Variants in BRAF observed in about 807,000 individuals in gnomAD.
BRAF encodes the protein serine/threonine-protein kinase B-raf.
A neutral mutation model predicts 104.6 loss-of-function variants in BRAF; 16 were observed. That is an observed-to-expected ratio of 0.15 (90% CI 0.10 to 0.23). BRAF has a LOEUF of 0.23. Ranked by LOEUF, BRAF falls within the 10% of genes least tolerant of loss-of-function variation. BRAF has a pLI of 1.00. For missense variants in BRAF, 541 were observed against 937.3 expected (o/e 0.58, Z 5.52); for synonymous variants, 310 against 341.6 (o/e 0.91, Z 1.02).
chr7:140,791,458 C>T (rs62487920), intron 8 of BRAF, among the ~76,000 whole-genome samples: 8,592 of 152,098 alleles, frequency 0.056, 287 homozygotes, highest in South Asian at 0.11. Context: ...AGAGCCAGCC[C>T]ATAAAGGAGA....
At chr7:140,789,972 C>A (rs1308511029) in intron 8 of BRAF, among the ~76,000 whole-genome samples, 1 of 152,178 alleles carries the variant, frequency 6.6e-6, no homozygotes, top group Non-Finnish European at 1.5e-5. Context: ...TCAGGCGATC[C>A]GCCTGCCTTG....
In BRAF at chr7:140,820,787, A is replaced by G. The variant is rs142184869; in HGVS notation, c.505-11792T>C. Reference sequence around the variant, plus strand: ...AGGCCCTACCTCTACAAAAAAATTTAAAAATTAGGCATGGCACACGCCTGT... The same window carrying G: ...AGGCCCTACCTCTACAAAAAAATTTGAAAATTAGGCATGGCACACGCCTGT... On this transcript the variant is annotated intron_variant, in intron 3 of 19. Coordinates refer to ENST00000644969, the MANE Select transcript of BRAF (RefSeq NM_001374258.1). 7.7e-3 allele frequency among the ~76,000 whole-genome samples: 1,166 copies of G among 152,210 alleles called. 19 individuals are homozygous for G. The highest frequency in any genetic ancestry group is 0.027 in the African/African-American group (1,102 of 41,542).
chr7:140,835,300 C>T, intron 2 of BRAF: 1 of 180,342 alleles, frequency 5.5e-6, no homozygotes, highest in Non-Finnish European at 1.2e-5. Flanking sequence ...CGTTCTCTCT[C>T]TCTCTCAACA....
At chr7:140,796,244 A>T (rs999841065) in intron 7 of BRAF, among the ~76,000 whole-genome samples, 1 of 151,902 alleles carries the variant, frequency 6.6e-6, no homozygotes, top group South Asian at 2.1e-4. Flanking sequence ...CCAGCTACTC[A>T]GGGGGCTGAG....
At chr7:140,876,748 G>T (rs369294333) in intron 1 of BRAF, among the ~76,000 whole-genome samples, 3 of 152,236 alleles carry the variant, frequency 2.0e-5, no homozygotes, top group East Asian at 3.9e-4. Context: ...CTAGTAGACA[G>T]AAAATCAGTA....
intron 2 of BRAF, among the ~76,000 whole-genome samples, chr7:140,848,537 C>T (rs982179659): frequency 2.0e-5 from 3 of 152,182 alleles, no homozygotes; most frequent in African/African-American, 7.2e-5. Flanking sequence ...GGCAGTGAAT[C>T]ACTGCTATAG....
chr7:140,740,066 C>T, intron 17 of BRAF, 120 bp from the exon 17 acceptor site: 1 of 1,114,564 alleles, frequency 9.0e-7, no homozygotes, highest in Non-Finnish European at 1.3e-6. Context: ...TGTATTACAC[C>T]TCAATAAAAA....
At chr7:140,810,065 G>A (rs1468414708) in intron 3 of BRAF, among the ~76,000 whole-genome samples, 1 of 152,032 alleles carries the variant, frequency 6.6e-6, no homozygotes, top group Non-Finnish European at 1.5e-5. Context: ...GTAACAATAA[G>A]TTCCATTCAT....
At position 140,797,272 on chromosome 7, in the gene BRAF, C is replaced by G. The variant is rs760055517; in HGVS notation, c.981-2805G>C. Among the ~76,000 whole-genome samples, 128 of 152,198 alleles carry G rather than the reference C, an allele frequency of 8.4e-4. 4 individuals are homozygous for G. The highest frequency in any genetic ancestry group is 1.9e-4 in the Non-Finnish European group (13 of 68,030). ...GAAAACTTTGGTCTGGTGATACGTACATTTTAAATGTTGACCTCTCACAAA... is the reference window on the plus strand; with the variant it reads ...GAAAACTTTGGTCTGGTGATACGTAGATTTTAAATGTTGACCTCTCACAAA... On this transcript the variant is annotated intron_variant, in intron 7 of 19. Transcript: ENST00000644969.
rs189649654 is a variant in BRAF at position 140,783,428 on chromosome 7, A to G, written c.1298-271T>C. ...ATTTACTGGTGCAAAATCTAGGAGA[A>G]AAACAATCTCTCTAAAACAAGACAG... On this transcript the variant is annotated intron_variant, in intron 10 of 19. Coordinates refer to ENST00000644969, the MANE Select transcript of BRAF (RefSeq NM_001374258.1). The G allele has an allele frequency of 2.7e-3, 922 of 336,866 alleles. 5 individuals are homozygous for G. The highest frequency in any genetic ancestry group is 3.5e-3 in the Non-Finnish European group (648 of 185,190). The allele number at this position is 336,866 out of a possible 1,614,324, so 20.9% of individuals were successfully genotyped here.
At position 140,764,787 on chromosome 7, in the gene BRAF, T is replaced by G. The variant is rs551588298; in HGVS notation, c.1815-10554A>C. Reference sequence around the variant, plus strand: ...AGGAGAACTACAAACCACTGCTCAATGAAATAAAAGAGGATACAAACAAAT... The same window carrying G: ...AGGAGAACTACAAACCACTGCTCAAGGAAATAAAAGAGGATACAAACAAAT... On this transcript the variant is annotated intron_variant, in intron 14 of 19. Transcript: ENST00000644969. Among the ~76,000 whole-genome samples the G allele has an allele frequency of 4.1e-3, 615 of 150,462 alleles. 4 individuals carry two copies. Among genetic ancestry groups the G allele is most frequent in the African/African-American group, 0.014 (580 of 40,396 alleles).
At chr7:140,920,151 T>C (rs1043496168) in intron 1 of BRAF, among the ~76,000 whole-genome samples, 5 of 152,098 alleles carry the variant, frequency 3.3e-5, no homozygotes, top group Non-Finnish European at 7.4e-5. Flanking sequence ...AAGGACAATA[T>C]GAGGCAGAAA....
At chr7:140,729,413 G>T (rs957560484) in intron 19 of BRAF, among the ~76,000 whole-genome samples, 2 of 152,172 alleles carry the variant, frequency 1.3e-5, no homozygotes, top group African/African-American at 4.8e-5. Flanking sequence ...GGGAGGCGGA[G>T]GAGGGTGGAT....
chr7:140,821,322 CAG>C (rs1805460008), intron 3 of BRAF, among the ~76,000 whole-genome samples: 2 of 119,154 alleles, frequency 1.7e-5, no homozygotes, highest in African/African-American at 3.2e-5. Flanking sequence ...TTTTTTGAGA[CAG>C]AGTCTCGCTC....
intron 2 of BRAF, among the ~76,000 whole-genome samples, chr7:140,843,855 C>CAA (rs1808258589): frequency 6.6e-6 from 1 of 151,484 alleles, no homozygotes. Flanking sequence ...AATACAAAAA[C>CAA]AAAATTAGAT....
chr7:140,777,868 T>A, intron 13 of BRAF, 123 bp downstream of exon 12: 1 of 978,560 alleles, frequency 1.0e-6, no homozygotes. Context: ...TCAGACATAC[T>A]CTGTTTCTAC....
At chr7:140,911,427 A>C (rs1424524728) in intron 1 of BRAF, among the ~76,000 whole-genome samples, 1 of 152,240 alleles carries the variant, frequency 6.6e-6, no homozygotes, top group Admixed American at 6.5e-5. Flanking sequence ...TAGAGGAAAA[A>C]GAAATACCTA....
intron 14 of BRAF, among the ~76,000 whole-genome samples, chr7:140,755,399 T>C (rs1798124096): frequency 6.6e-6 from 1 of 152,206 alleles, no homozygotes; most frequent in South Asian, 2.1e-4. Context: ...TAAACACTGT[T>C]AAAAGTGGAA....
At chr7:140,719,285 C>T (rs1217844390), downstream of BRAF, 3 of 835,494 alleles carry the variant, frequency 3.6e-6, no homozygotes, top group African/African-American at 1.8e-5. Context: ...CTGCTGACTA[C>T]TTTTGTTACT....
Sources: allele counts gnomAD v4.1 joint callset (sites outside exome capture counted in the v4.1 genomes callset), GRCh38; gene constraint gnomAD v4.1.1; transcripts MANE v1.5; gene names NCBI Gene and HGNC (gene_info 2026-07-23, HGNC 2026-07-21).